DVL3: variants seen among roughly 807,000 people sequenced by gnomAD.
DVL3 encodes the protein segment polarity protein dishevelled homolog DVL-3.
DVL3 carries 27 observed loss-of-function variants against 67.4 expected under a neutral mutation model. That is an observed-to-expected ratio of 0.40 (90% CI 0.30 to 0.55). The LOEUF (loss-of-function observed/expected upper bound fraction) is 0.55, where lower values mean the gene tolerates loss of function less well. DVL3 is among the 20% of genes least tolerant of loss of function. The probability of loss-of-function intolerance (pLI) is 0.46; values close to 1 mark genes in which losing one functional copy is unlikely to be tolerated. For missense variants in DVL3, 819 were observed against 1,021.5 expected (o/e 0.80, Z 2.70); for synonymous variants, 369 against 396.8 (o/e 0.93, Z 0.83).
At position 184,173,039 on chromosome 3, in the gene DVL3, T is replaced by G. The variant is rs141065562; in HGVS notation, c.*2284T>G. On this transcript the variant is annotated 3_prime_UTR_variant, in exon 15 of 15. Transcript: ENST00000313143. ...CCCAAAATGGAGTCATTCATCCTGA[T>G]GTCCTCAATTGCTGCTGATATGCTG... is the stretch of plus-strand genomic sequence containing the variant. 2 of 152,630 alleles carry G rather than the reference T, an allele frequency of 1.3e-5. No homozygotes were observed. Among genetic ancestry groups the G allele is most frequent in the African/African-American group, 4.8e-5 (2 of 41,600 alleles). 9.5% of individuals were successfully genotyped at this position (152,630 alleles called of 1,614,324 possible). A position where few individuals can be genotyped will look rare whatever the true frequency, so the allele number is the denominator to read the frequency against.
rs1040291777 is a variant in DVL3 at position 184,164,083 on chromosome 3, G to A, written c.232-184G>A. Among the ~76,000 whole-genome samples the A allele has an allele frequency of 6.6e-6, 1 of 151,984 alleles. No homozygotes were observed. The highest frequency in any genetic ancestry group is 1.5e-5 in the Non-Finnish European group (1 of 68,010). ...CCACCCCATGCCTTCCAACAACCCC[G>A]TCAATAGCAGGAAGTGGCAGAGGGG... On this transcript the variant is annotated intron_variant, in intron 2 of 14. Coordinates refer to ENST00000313143, the MANE Select transcript of DVL3 (RefSeq NM_004423.4). This position sits in a 1 kb window ranked among gnomAD's most constrained non-coding sequence, Gnocchi z 5.3.
At position 184,165,052 on chromosome 3, in the gene DVL3, G is replaced by T. The variant is rs560393422; in HGVS notation, c.600-61G>T. On this transcript the variant is annotated intron_variant, in intron 5 of 14. Coordinates refer to ENST00000313143, the MANE Select transcript of DVL3 (RefSeq NM_004423.4). This position sits in a 1 kb window ranked among gnomAD's most constrained non-coding sequence, Gnocchi z 4.1. Reference sequence around the variant, plus strand: ...GTGTTGGGGACCCAGGCCCTGCAGTGCCTCCCCTCATGGGGGCAGGGCTGG... The same window carrying T: ...GTGTTGGGGACCCAGGCCCTGCAGTTCCTCCCCTCATGGGGGCAGGGCTGG... 3.2e-5 allele frequency: 51 copies of T among 1,609,842 alleles called. No homozygotes were observed. In the South Asian group the frequency reaches 5.0e-4, roughly 16 times the overall value.
chr3:184,156,308 G>T, intron 1 of DVL3: 1 of 456,160 alleles, frequency 2.2e-6, no homozygotes, highest in Non-Finnish European at 4.4e-6. Context: ...GGTGTCGGGG[G>T]TGCTCGGGCG....
Position 184,171,275 on chromosome 3 carries a change from C to A in DVL3, c.*520C>A, listed in dbSNP as rs941741202. The A allele has an allele frequency of 1.9e-6, 2 of 1,038,598 alleles. No homozygotes were observed. The highest frequency in any genetic ancestry group is 1.1e-4 in the East Asian group (1 of 9,316). The allele number at this position is 1,038,598 out of a possible 1,614,324, so 64.3% of individuals were successfully genotyped here. A position where few individuals can be genotyped will look rare whatever the true frequency, so the allele number is the denominator to read the frequency against. On this transcript the variant is annotated 3_prime_UTR_variant, in exon 15 of 15. Transcript: ENST00000313143. ...TGCTTCATCTGCCCCTACTAACCATCCCCCTGCCTGCTGCCTCAGTCCTGC... is the reference window on the plus strand; with the variant it reads ...TGCTTCATCTGCCCCTACTAACCATACCCCTGCCTGCTGCCTCAGTCCTGC...
At position 184,173,536 on chromosome 3, in the gene DVL3, T is replaced by C. The variant is rs1282094370; in HGVS notation, c.*2781T>C. On this transcript the variant is annotated 3_prime_UTR_variant, in exon 15 of 15. Transcript: ENST00000313143. Reference sequence around the variant, plus strand: ...TTGTTGTGAGGATTTAAATTAGATATTGTACGAAAAGTGCCTAGCACAGTG... The same window carrying C: ...TTGTTGTGAGGATTTAAATTAGATACTGTACGAAAAGTGCCTAGCACAGTG... 6.6e-6 allele frequency: 1 copy of C among 152,206 alleles called. No individual in the cohort carries two copies. The highest frequency in any genetic ancestry group is 2.1e-4 in the South Asian group (1 of 4,826). The allele number at this position is 152,206 out of a possible 1,614,324, so 9.4% of individuals were successfully genotyped here. A position where few individuals can be genotyped will look rare whatever the true frequency, so the allele number is the denominator to read the frequency against.
rs1416578073 is a variant in DVL3 at position 184,167,037 on chromosome 3, G to A, written c.1198+62G>A. ...AGGGCCAGGTGGGGGGACTGATGAGGGTCCATGTGGAGACTCTTGCTTGAG... is the reference window on the plus strand; with the variant it reads ...AGGGCCAGGTGGGGGGACTGATGAGAGTCCATGTGGAGACTCTTGCTTGAG... On this transcript the variant is annotated intron_variant, in intron 11 of 14. Transcript: ENST00000313143. This position sits in a 1 kb window ranked among gnomAD's most constrained non-coding sequence, Gnocchi z 4.6. 6.4e-7 allele frequency: 1 copy of A among 1,573,576 alleles called. No individual in the cohort carries two copies. Among genetic ancestry groups the A allele is most frequent in the Non-Finnish European group, 8.7e-7 (1 of 1,153,182 alleles).
Position 184,166,662 on chromosome 3 carries a change from C to T in DVL3, c.1037C>T (p.Thr346Ile). 2 of 1,614,096 alleles carry T rather than the reference C, an allele frequency of 1.2e-6. No individual in the cohort carries two copies. Among genetic ancestry groups the T allele is most frequent in the Admixed American group, 1.7e-5 (1 of 59,996 alleles). The part of the protein sequence containing the change: ...CWDPSPRGCF[T>I]LPRSEPIRPI... ...GACCCAAGTCCACGTGGTTGCTTCA[C>T]ATTGCCCAGGAGTAAGTGGATGGGA... is the stretch of plus-strand genomic sequence containing the variant. The change falls in exon 10 of 15, where the codon ACA becomes ATA. Residue 346 changes from threonine to isoleucine, a missense_variant. Thr to Ile is a moderately conservative substitution (Grantham distance 89, BLOSUM62 -1). This residue lies in a region of DVL3 where 385 missense variants were observed against 486.8 expected (regional missense o/e 0.79). Coordinates refer to ENST00000313143, the MANE Select transcript of DVL3 (RefSeq NM_004423.4). This position sits in a 1 kb window ranked among gnomAD's most constrained non-coding sequence, Gnocchi z 6.7.
At chr3:184,169,893 C>G in intron 13 of DVL3, 113 bp from the exon 14 acceptor site, 1 of 982,328 alleles carries the variant, frequency 1.0e-6, no homozygotes, top group Non-Finnish European at 1.5e-6. Context: ...GGCTGTGCCT[C>G]CTCTCATTCT....
At position 184,170,418 on chromosome 3, in the gene DVL3, C is replaced by T. The variant is rs1374139576; in HGVS notation, c.1814C>T (p.Ser605Leu). Residue 605 changes from serine to leucine, a missense_variant, in exon 15 of 15, where the codon TCG becomes TTG. Physicochemically the swap from Ser to Leu is moderately radical, Grantham distance 145. Around this residue, in one of 3 missense-constraint regions of DVL3, gnomAD observed 324 missense variants for 331.3 expected, o/e 0.98. Transcript: ENST00000313143. This position sits in a 1 kb window ranked among gnomAD's most constrained non-coding sequence, Gnocchi z 6.5. ...DSKSGGSGSE[S>L]DHTTRSSLRG... is the part of the protein sequence containing the mutation. ...AAGTCCGGGGGCAGCGGCAGCGAAT[C>T]GGACCACACCACACGCAGCAGCCTG... 6.3e-7 allele frequency: 1 copy of T among 1,598,762 alleles called. No homozygotes were observed. Among genetic ancestry groups the T allele is most frequent in the Non-Finnish European group, 8.5e-7 (1 of 1,172,980 alleles).
rs1240305421 is a variant in DVL3, at chr3:184,165,654, CTA to C, written c.763+165_763+166del. 6.6e-6 allele frequency among the ~76,000 whole-genome samples: 1 copy of C among 152,196 alleles called. No homozygotes were observed. Among genetic ancestry groups the C allele is most frequent in the African/African-American group, 2.4e-5 (1 of 41,436 alleles). On this transcript the variant is annotated intron_variant, in intron 7 of 14. Coordinates refer to ENST00000313143, the MANE Select transcript of DVL3 (RefSeq NM_004423.4). The surrounding 1 kb of genome is among the most constrained non-coding windows in gnomAD (Gnocchi z 4.1). ...TCATTTTAGTATCTCACCATCAGGG[CTA>C]TGACAGAGATAAGCACAGAGAGCTG...
Position 184,171,653 on chromosome 3 carries a change from A to C in DVL3, c.*898A>C. On this transcript the variant is annotated 3_prime_UTR_variant, in exon 15 of 15. Coordinates refer to ENST00000313143, the MANE Select transcript of DVL3 (RefSeq NM_004423.4). ...AGGAGACCAGGAACCCTGCTTCAGCAGCCCCTCAGGGCTTCCCAAGGATGT... is the reference window on the plus strand; with the variant it reads ...AGGAGACCAGGAACCCTGCTTCAGCCGCCCCTCAGGGCTTCCCAAGGATGT... 1 of 958,134 alleles carries C rather than the reference A, an allele frequency of 1.0e-6. No individual in the cohort carries two copies. Among genetic ancestry groups the C allele is most frequent in the Non-Finnish European group, 1.2e-6 (1 of 804,690 alleles). 59.4% of individuals were successfully genotyped at this position (958,134 alleles called of 1,614,324 possible).
intron 1 of DVL3, chr3:184,156,324 CCGCGAGCGGGG>C: frequency 2.2e-6 from 1 of 456,524 alleles, no homozygotes; most frequent in Non-Finnish European, 4.4e-6. Flanking sequence ...GGGCGCCTGG[CCGCGAGCGGGG>C]TCTGCAGATC....
At chr3:184,158,774 T>C (rs1013216025) in intron 1 of DVL3, among the ~76,000 whole-genome samples, 2 of 135,416 alleles carry the variant, frequency 1.5e-5, no homozygotes, top group Non-Finnish European at 3.2e-5. Flanking sequence ...TTTTAAATTT[T>C]TTTTCTTTTT....
Position 184,170,993 on chromosome 3 carries a change from C to T in DVL3, c.*238C>T, listed in dbSNP as rs868676302. On this transcript the variant is annotated 3_prime_UTR_variant, in exon 15 of 15. Transcript: ENST00000313143. The surrounding 1 kb of genome is among the most constrained non-coding windows in gnomAD (Gnocchi z 6.5). The stretch of plus-strand genomic sequence containing the variant: ...TTTCCTCTGCCCACTAATCCCTGCG[C>T]AGGACTTCCCAGGACCCCTTTTGTC... 5.4e-6 allele frequency: 8 copies of T among 1,474,612 alleles called. No individual in the cohort carries two copies. Among genetic ancestry groups the T allele is most frequent in the African/African-American group, 1.4e-5 (1 of 71,064 alleles). The allele number at this position is 1,474,612 out of a possible 1,614,324, so 91.3% of individuals were successfully genotyped here.
In DVL3 at chr3:184,163,516, C is replaced by T; in HGVS notation, c.162-141C>T. 1 of 833,684 alleles carries T rather than the reference C, an allele frequency of 1.2e-6. No individual in the cohort carries two copies. Among genetic ancestry groups the T allele is most frequent in the South Asian group, 1.4e-5 (1 of 73,098 alleles). The allele number at this position is 833,684 out of a possible 1,614,324, so 51.6% of individuals were successfully genotyped here. On this transcript the variant is annotated intron_variant, in intron 1 of 14. Coordinates refer to ENST00000313143, the MANE Select transcript of DVL3 (RefSeq NM_004423.4). The surrounding 1 kb of genome is among the most constrained non-coding windows in gnomAD (Gnocchi z 4.5). Reference sequence around the variant, plus strand: ...CCAAAGAGCTGTCTCTGGGTCTCCCCAACCTCTGCTTTCATTTGAACAGTC... The same window carrying T: ...CCAAAGAGCTGTCTCTGGGTCTCCCTAACCTCTGCTTTCATTTGAACAGTC...
At position 184,170,674 on chromosome 3, in the gene DVL3, G is replaced by A. The variant is rs1431577149; in HGVS notation, c.2070G>A (p.Val690=). The A allele has an allele frequency of 6.2e-7, 1 of 1,613,088 alleles. No individual in the cohort carries two copies. Among genetic ancestry groups the A allele is most frequent in the Admixed American group, 1.7e-5 (1 of 59,920 alleles). ...GAPPGRDLAS[V]PPELTASRQS... Reference sequence around the variant, plus strand: ...CTCCGGGCCGCGACCTGGCCTCAGTGCCCCCGGAACTGACCGCCAGCAGAC... The same window carrying A: ...CTCCGGGCCGCGACCTGGCCTCAGTACCCCCGGAACTGACCGCCAGCAGAC... The change falls in exon 15 of 15, where the codon GTG becomes GTA. Residue 690 remains valine, a synonymous_variant. Transcript: ENST00000313143. The surrounding 1 kb of genome is among the most constrained non-coding windows in gnomAD (Gnocchi z 6.5).
At chr3:184,156,331 C>G (rs901159976) in intron 1 of DVL3, 6 of 456,076 alleles carry the variant, frequency 1.3e-5, no homozygotes, top group Middle Eastern at 3.3e-4. Flanking sequence ...TGGCCGCGAG[C>G]GGGGTCTGCA....
chr3:184,171,027 CA>C lies in DVL3; in HGVS notation c.*273del. The stretch of plus-strand genomic sequence containing the variant: ...CCAGGACCCCTTTTGTCTCTGGGAC[CA>C]GACTTGTTGGTGCTACCCCTTACTC... On this transcript the variant is annotated 3_prime_UTR_variant, in exon 15 of 15. Transcript: ENST00000313143. 1.4e-6 allele frequency: 2 copies of C among 1,401,030 alleles called. No homozygotes were observed. Among genetic ancestry groups the C allele is most frequent in the South Asian group, 2.7e-5 (2 of 74,628 alleles). 86.8% of individuals were successfully genotyped at this position (1,401,030 alleles called of 1,614,324 possible). A position where few individuals can be genotyped will look rare whatever the true frequency, so the allele number is the denominator to read the frequency against.
At chr3:184,160,680 A>G (rs962439819) in intron 1 of DVL3, among the ~76,000 whole-genome samples, 3 of 151,934 alleles carry the variant, frequency 2.0e-5, no homozygotes, top group Non-Finnish European at 4.4e-5. Context: ...CCTGTCGATG[A>G]CCCCCAGAAA....
Sources: allele counts gnomAD v4.1 joint callset (sites outside exome capture counted in the v4.1 genomes callset), GRCh38; gene constraint gnomAD v4.1.1; regional missense constraint gnomAD v4.1.1; non-coding constraint Gnocchi (gnomAD v3.1); transcripts MANE v1.5; gene names NCBI Gene and HGNC (gene_info 2026-07-23, HGNC 2026-07-21).